Variants in RNF111 observed in about 807,000 individuals in gnomAD.
RNF111 encodes the protein ring finger protein 111, also known as E3 ubiquitin-protein ligase Arkadia.
RNF111 carries 17 observed loss-of-function variants against 95.1 expected under a neutral mutation model. The ratio of observed to expected loss-of-function variants is 0.18; its 90% CI spans 0.12 to 0.27. The LOEUF (loss-of-function observed/expected upper bound fraction) is 0.27. Among genes scored for constraint, RNF111 ranks in the 10% least tolerant of loss-of-function variants. The pLI, the probability that RNF111 is intolerant of heterozygous loss-of-function variation, is 1.00. For synonymous variants in RNF111, 440 were observed against 414.8 expected (o/e 1.06, Z -0.74); for missense variants, 1,189 against 1,210.4 (o/e 0.98, Z 0.26).
chr15:59,041,961 ATTTTT>A (rs79347638), intron 2 of RNF111, among the ~76,000 whole-genome samples: 2 of 100,096 alleles, frequency 2.0e-5, no homozygotes, highest in Non-Finnish European at 4.0e-5. Flanking sequence ...GTCTGTTCAT[ATTTTT>A]TTTTTTTTTT....
At chr15:59,023,956 T>G (rs188604422) in intron 1 of RNF111, among the ~76,000 whole-genome samples, 229 of 152,268 alleles carry the variant, frequency 1.5e-3, no homozygotes, top group African/African-American at 5.1e-3. Flanking sequence ...ATTTAATATT[T>G]CCTATTCTCC....
rs1874564398 is a variant in RNF111 at position 59,052,400 on chromosome 15, G to A, written c.976G>A (p.Val326Met). 3 of 1,595,856 alleles carry A rather than the reference G, an allele frequency of 1.9e-6. No individual in the cohort carries two copies. Among genetic ancestry groups the A allele is most frequent in the Non-Finnish European group, 2.6e-6 (3 of 1,172,812 alleles). Reference protein sequence around the residue: ...EINVTSTDSEVEIVTVGESYR... With the variant: ...EINVTSTDSEMEIVTVGESYR... Reference sequence around the variant, plus strand: ...TAATGTTACCTCAACTGACAGTGAAGTGGAGATTGTAACAGTTGGAGAAAG... The same window carrying A: ...TAATGTTACCTCAACTGACAGTGAAATGGAGATTGTAACAGTTGGAGAAAG... Residue 326 changes from valine to methionine, a missense_variant, in exon 3 of 14, where the codon GTG (valine) becomes ATG (methionine). By Grantham distance (21) the Val-to-Met change is conservative. Around this residue, in one of 2 missense-constraint regions of RNF111, gnomAD observed 1,024 missense variants for 925.9 expected, o/e 1.11. Coordinates refer to ENST00000348370, the MANE Select transcript of RNF111 (RefSeq NM_017610.8).
chr15:59,085,737 C>T lies in RNF111; in HGVS notation c.2502C>T (p.His834=), dbSNP rs146644404. 69 of 1,613,394 alleles carry T rather than the reference C, an allele frequency of 4.3e-5. No homozygotes were observed. The highest frequency in any genetic ancestry group is 1.6e-4 in the Middle Eastern group (1 of 6,074). The change falls in exon 10 of 14, where the codon CAC becomes CAT. Residue 834 remains histidine, a synonymous_variant. Coordinates refer to ENST00000348370, the MANE Select transcript of RNF111 (RefSeq NM_017610.8). ...TGCATCCTCACTTGGCCCATTATCA[C>T]GCACCTCCTCGACTTCATCACTTAC... The part of the protein sequence containing the change: ...GALHPHLAHY[H]APPRLHHLQL...
At chr15:59,014,953 T>C (rs1370069899) in intron 1 of RNF111, among the ~76,000 whole-genome samples, 1 of 152,160 alleles carries the variant, frequency 6.6e-6, no homozygotes, top group Non-Finnish European at 1.5e-5. Flanking sequence ...AGTTTCACCA[T>C]GTTGTCCAGG....
At chr15:59,011,722 C>A (rs1343078415) in intron 1 of RNF111, among the ~76,000 whole-genome samples, 1 of 152,076 alleles carries the variant, frequency 6.6e-6, no homozygotes, top group East Asian at 1.9e-4. Flanking sequence ...GGATTAGGAC[C>A]CATTCATATG....
intron 11 of RNF111, among the ~76,000 whole-genome samples, chr15:59,090,077 G>T (rs2079007103): frequency 1.3e-5 from 2 of 152,192 alleles, no homozygotes. Flanking sequence ...TTTTGACTCA[G>T]CTAAATTTTT....
At chr15:59,061,330 T>C (rs1159839619) in intron 5 of RNF111, among the ~76,000 whole-genome samples, 1 of 152,174 alleles carries the variant, frequency 6.6e-6, no homozygotes, top group Non-Finnish European at 1.5e-5. Context: ...TTGTACCTTT[T>C]TGAATATTTC....
At chr15:59,004,398 T>G (rs1192348287) in intron 1 of RNF111, among the ~76,000 whole-genome samples, 1 of 152,176 alleles carries the variant, frequency 6.6e-6, no homozygotes, top group African/African-American at 2.4e-5. Context: ...AGAATTCACA[T>G]TAGGATTAAG....
At position 59,096,374 on chromosome 15, in the gene RNF111, A is replaced by C; in HGVS notation, c.*1474A>C. On this transcript the variant is annotated 3_prime_UTR_variant, in exon 14 of 14. Coordinates refer to ENST00000348370, the MANE Select transcript of RNF111 (RefSeq NM_017610.8). ...TATGTGAAGATGTCAATAAGCTTGC[A>C]TTAAGCCACCTGCTTTGTAAGTGGA... 1 of 298,336 alleles carries C rather than the reference A, an allele frequency of 3.4e-6. No homozygotes were observed. The highest frequency in any genetic ancestry group is 6.1e-6 in the Non-Finnish European group (1 of 163,746). 18.5% of individuals were successfully genotyped at this position (298,336 alleles called of 1,614,324 possible).
Position 59,030,445 on chromosome 15 carries a change from T to C in RNF111, c.-19-359T>C, listed in dbSNP as rs574419206. The stretch of plus-strand genomic sequence containing the variant: ...ATTAGTCTTTTGAATTCGAATCCTT[T>C]TATTTATATTTCACTGAAATAGGTT... On this transcript the variant is annotated intron_variant, in intron 1 of 13. Coordinates refer to ENST00000348370, the MANE Select transcript of RNF111 (RefSeq NM_017610.8). Among the ~76,000 whole-genome samples the C allele has an allele frequency of 2.6e-5, 4 of 152,324 alleles. No individual in the cohort carries two copies. The South Asian group carries it at 8.3e-4, about 32-fold the overall frequency.
At chr15:58,995,277 C>T (rs1788012770) in intron 1 of RNF111, among the ~76,000 whole-genome samples, 1 of 152,180 alleles carries the variant, frequency 6.6e-6, no homozygotes, top group Admixed American at 6.5e-5. Flanking sequence ...ATTTTCTTCA[C>T]TAATGGACAT....
At chr15:59,009,120 G>C (rs1371760255) in intron 1 of RNF111, among the ~76,000 whole-genome samples, 1 of 151,998 alleles carries the variant, frequency 6.6e-6, no homozygotes, top group Non-Finnish European at 1.5e-5. Context: ...ACCATGTCCA[G>C]CTAATTTTTT....
At chr15:58,989,499 T>G (rs2038715610) in intron 1 of RNF111, among the ~76,000 whole-genome samples, 1 of 152,222 alleles carries the variant, frequency 6.6e-6, no homozygotes, top group African/African-American at 2.4e-5. Flanking sequence ...AGTCTCCTTG[T>G]TTATCACGGG....
At chr15:59,072,086 A>AT (rs1288039734) in intron 6 of RNF111, among the ~76,000 whole-genome samples, 1 of 152,182 alleles carries the variant, frequency 6.6e-6, no homozygotes, top group African/African-American at 2.4e-5. Flanking sequence ...TTGCTAATAC[A>AT]TTTTTTAAAA....
At chr15:59,021,656 A>G (rs17236369) in intron 1 of RNF111, among the ~76,000 whole-genome samples, 66,786 of 151,930 alleles carry the variant, frequency 0.44, 15,691 homozygotes, top group African/African-American at 0.61. Context: ...TTATAGACTA[A>G]AAACAGTTTT....
chr15:59,004,929 TGA>T (rs1158189105), intron 1 of RNF111, among the ~76,000 whole-genome samples: 1 of 152,212 alleles, frequency 6.6e-6, no homozygotes, highest in Admixed American at 6.5e-5. Flanking sequence ...ACTTGGGAAG[TGA>T]GACCCAGTGG....
At chr15:59,090,708 T>C (rs570694414) in intron 11 of RNF111, among the ~76,000 whole-genome samples, 17 of 152,344 alleles carry the variant, frequency 1.1e-4, no homozygotes, top group African/African-American at 3.8e-4. Flanking sequence ...ACTTTTGCTG[T>C]ACCATTTCAG....
rs1482463301 is a variant in RNF111 at position 59,031,596 on chromosome 15, G to C, written c.774G>C (p.Glu258Asp). Reference sequence around the variant, plus strand: ...TACCTAGTTCTAGTAGTTCCAGTGAGAATGACCTCAGCAGTGAATCCTCTT... The same window carrying C: ...TACCTAGTTCTAGTAGTTCCAGTGACAATGACCTCAGCAGTGAATCCTCTT... ...ALLPSSSSSS[E>D]NDLSSESSSS... is the part of the protein sequence containing the mutation. Residue 258 changes from glutamate (E) to aspartate (D), a missense_variant, in exon 2 of 14, where the codon GAG (glutamate) becomes GAC (aspartate). Physicochemically the swap from Glu to Asp is conservative, Grantham distance 45. Around this residue, in one of 2 missense-constraint regions of RNF111, gnomAD observed 1,024 missense variants for 925.9 expected, o/e 1.11. Coordinates refer to ENST00000348370, the MANE Select transcript of RNF111 (RefSeq NM_017610.8). 2 of 1,614,066 alleles carry C rather than the reference G, an allele frequency of 1.2e-6. No homozygotes were observed. The highest frequency in any genetic ancestry group is 4.5e-5 in the East Asian group (2 of 44,892).
At chr15:59,002,332 G>C (rs563111570) in intron 1 of RNF111, among the ~76,000 whole-genome samples, 62 of 152,170 alleles carry the variant, frequency 4.1e-4, no homozygotes, top group African/African-American at 1.5e-3. Flanking sequence ...TTTTCCTTTA[G>C]AATTAATAGC....
Sources: gnomAD v4.1 joint callset for allele counts (sites outside exome capture counted in the v4.1 genomes callset) on GRCh38, gnomAD v4.1.1 for gene constraint, gnomAD v4.1.1 regional missense constraint, MANE v1.5 for transcripts, NCBI Gene and HGNC (gene_info 2026-07-23, HGNC 2026-07-21) for gene names.